Variants in RBFOX1 observed in about 807,000 individuals in gnomAD.
RBFOX1 encodes the protein RNA binding fox-1 homolog 1.
Under a neutral mutation model 57.7 loss-of-function variants are expected in RBFOX1, and 8 were observed. The observed-to-expected ratio is 0.14, with a 90% CI of 0.08 to 0.25. RBFOX1 has a LOEUF of 0.25. Ranked by LOEUF, RBFOX1 falls within the 10% of genes least tolerant of loss-of-function variation. The pLI, the probability that RBFOX1 is intolerant of heterozygous loss-of-function variation, is 1.00. For missense variants in RBFOX1, 611 were observed against 548.5 expected, an observed-to-expected ratio of 1.11 and a Z score of -1.14; for synonymous variants, 326 against 222.4, an observed-to-expected ratio of 1.47 and a Z score of -4.15.
chr16:7,502,294 T>TAG (rs1287069957), intron 4 of RBFOX1, among the ~76,000 whole-genome samples: 228 of 152,374 alleles, frequency 1.5e-3, no homozygotes, highest in African/African-American at 5.3e-3. Context: ...GAGGGAACCA[T>TAG]TAAAGATACA....
intron 3 of RBFOX1, among the ~76,000 whole-genome samples, chr16:6,716,082 A>G (rs887436514): frequency 6.6e-6 from 1 of 152,314 alleles, no homozygotes; most frequent in African/African-American, 2.4e-5. Context: ...GGCCCTGGTG[A>G]CAATATGTGT....
chr16:7,118,455 G>A (rs1242553708), intron 4 of RBFOX1, among the ~76,000 whole-genome samples: 1 of 152,064 alleles, frequency 6.6e-6, no homozygotes, highest in Non-Finnish European at 1.5e-5. Context: ...GGTAAAGGAT[G>A]GAAAATTACC....
chr16:6,280,872 T>G (rs182878533), intron 1 of RBFOX1, among the ~76,000 whole-genome samples: 4 of 152,038 alleles, frequency 2.6e-5, no homozygotes, highest in Admixed American at 2.6e-4. Flanking sequence ...CTTTGAGATT[T>G]TTTGTTAATA....
intron 2 of RBFOX1, among the ~76,000 whole-genome samples, chr16:6,551,646 C>T (rs1373919539): frequency 6.6e-6 from 1 of 152,126 alleles, no homozygotes; most frequent in Non-Finnish European, 1.5e-5. Context: ...TCTGTAAAAG[C>T]TTGCCTGGGA....
intron 3 of RBFOX1, among the ~76,000 whole-genome samples, chr16:6,670,011 A>G (rs370177265): frequency 2.8e-4 from 42 of 152,304 alleles, no homozygotes; most frequent in African/African-American, 6.5e-4. Flanking sequence ...CTGTCTGTCT[A>G]TCTATCTATC....
chr16:5,272,554 T>C (rs933729547), intron 1 of RBFOX1, among the ~76,000 whole-genome samples: 6 of 152,210 alleles, frequency 3.9e-5, no homozygotes, highest in Admixed American at 6.5e-5. Flanking sequence ...GACAAGTTCA[T>C]GACTGCTGCC....
intron 2 of RBFOX1, among the ~76,000 whole-genome samples, chr16:6,542,770 G>T (rs914445155): frequency 3.3e-5 from 5 of 152,028 alleles, no homozygotes; most frequent in African/African-American, 1.2e-4. Flanking sequence ...GGGATTACAG[G>T]TGTGAACCAC....
At chr16:6,601,682 C>T (rs1019753894) in intron 2 of RBFOX1, among the ~76,000 whole-genome samples, 2 of 152,124 alleles carry the variant, frequency 1.3e-5, no homozygotes, top group South Asian at 4.1e-4. Context: ...TATAAGAGGT[C>T]AGATCTGTAG....
intron 2 of RBFOX1, among the ~76,000 whole-genome samples, chr16:5,474,711 C>A (rs1234582927): frequency 6.6e-6 from 1 of 151,686 alleles, no homozygotes; most frequent in Non-Finnish European, 1.5e-5. Context: ...GTATGACAAA[C>A]CTTATTTATT....
At chr16:5,389,041 A>G (rs1028569445) in intron 1 of RBFOX1, among the ~76,000 whole-genome samples, 2 of 150,964 alleles carry the variant, frequency 1.3e-5, no homozygotes, top group African/African-American at 2.4e-5. Context: ...AATACAAAAA[A>G]TTAGCCTGGC....
chr16:5,475,065 G>T (rs1393805337), intron 2 of RBFOX1, among the ~76,000 whole-genome samples: 1 of 152,144 alleles, frequency 6.6e-6, no homozygotes, highest in African/African-American at 2.4e-5. Context: ...TTTGTTGTAG[G>T]TGTCTCTTGG....
intron 3 of RBFOX1, among the ~76,000 whole-genome samples, chr16:5,804,022 C>T (rs2055148226): frequency 6.6e-6 from 1 of 152,170 alleles, no homozygotes; most frequent in African/African-American, 2.4e-5. Context: ...GAAGTCTTGC[C>T]ACAGTATTAA....
intron 1 of RBFOX1, among the ~76,000 whole-genome samples, chr16:5,350,287 T>C (rs932801054): frequency 6.6e-6 from 1 of 152,042 alleles, no homozygotes; most frequent in African/African-American, 2.4e-5. Context: ...TGGAGACAAA[T>C]GGGGCATGAA....
intron 1 of RBFOX1, among the ~76,000 whole-genome samples, chr16:5,378,684 T>C (rs1245473307): frequency 6.6e-6 from 1 of 151,476 alleles, no homozygotes; most frequent in East Asian, 1.9e-4. Context: ...TTCTGGATCC[T>C]GTTCCTATTA....
At chr16:6,365,435 AGTGAATGGATGGGTGGATGG>A (rs374834667) in intron 2 of RBFOX1, among the ~76,000 whole-genome samples, 6,769 of 147,408 alleles carry the variant, frequency 0.046, 390 homozygotes, top group African/African-American at 0.14. Context: ...TGGGTAGATG[AGTGAATGGATGGGTGGATGG>A]GTGAATGGAT....
chr16:6,734,614 T>G (rs1019510866), intron 3 of RBFOX1, among the ~76,000 whole-genome samples: 3 of 152,146 alleles, frequency 2.0e-5, no homozygotes, highest in South Asian at 4.1e-4. Flanking sequence ...TGGGACTAGG[T>G]CTCTATTCCT....
intron 2 of RBFOX1, among the ~76,000 whole-genome samples, chr16:6,427,278 T>C (rs567460392): frequency 6.6e-6 from 1 of 152,292 alleles, no homozygotes; most frequent in South Asian, 2.1e-4. Flanking sequence ...ATAAAAGCCG[T>C]CCAGAGTATT....
chr16:7,296,389 C>T (rs986547110), intron 4 of RBFOX1, among the ~76,000 whole-genome samples: 3 of 151,182 alleles, frequency 2.0e-5, no homozygotes, highest in African/African-American at 7.3e-5. Context: ...AATTTAAAAG[C>T]TGTTAATTTT....
At chr16:7,700,461 T>TGTTCAACCCTGCTTCATGG (rs1486260121) in intron 14 of RBFOX1, among the ~76,000 whole-genome samples, 1 of 152,212 alleles carries the variant, frequency 6.6e-6, no homozygotes, top group Non-Finnish European at 1.5e-5. Flanking sequence ...CCCCAGCTGC[T>TGTTCAACCCTGCTTCATGG]GTTCAACCCT....
Sources: gnomAD v4.1 joint callset for allele counts (sites outside exome capture counted in the v4.1 genomes callset) on GRCh38, gnomAD v4.1.1 for gene constraint, MANE v1.5 for transcripts, NCBI Gene and HGNC (gene_info 2026-07-23, HGNC 2026-07-21) for gene names.